ADAM12: variants seen among roughly 807,000 people sequenced by gnomAD.
The protein encoded by ADAM12 is disintegrin and metalloproteinase domain-containing protein 12.
ADAM12 carries 70 observed loss-of-function variants against 106.4 expected under a neutral mutation model. The observed-to-expected ratio is 0.66, with a 90% CI of 0.54 to 0.80. The LOEUF (loss-of-function observed/expected upper bound fraction) is 0.80. Among genes scored for constraint, ADAM12 ranks in the 30% least tolerant of loss-of-function variants. The probability of loss-of-function intolerance (pLI) is 0.00; values close to 1 mark genes in which losing one functional copy is unlikely to be tolerated. For synonymous variants in ADAM12, 420 were observed against 433.5 expected (o/e 0.97, Z 0.39); for missense variants, 1,010 against 1,171.9 (o/e 0.86, Z 2.02).
At chr10:126,021,804 C>T (rs1030671579) in intron 21 of ADAM12, among the ~76,000 whole-genome samples, 3 of 152,124 alleles carry the variant, frequency 2.0e-5, no homozygotes, top group Admixed American at 6.6e-5. Flanking sequence ...CAATATAACC[C>T]ATGAGTGTTA....
At chr10:126,279,024 C>G (rs1215161793) in intron 2 of ADAM12, 36 bp from the exon 3 acceptor site, 2 of 1,548,230 alleles carry the variant, frequency 1.3e-6, no homozygotes, top group Non-Finnish European at 1.8e-6. Context: ...TTGAAAAACG[C>G]TTGGCTTTGA....
At chr10:126,378,451 T>C (rs1306299776) in intron 1 of ADAM12, among the ~76,000 whole-genome samples, 1 of 152,214 alleles carries the variant, frequency 6.6e-6, no homozygotes, top group African/African-American at 2.4e-5. Flanking sequence ...AGCACATATA[T>C]GAATAAGTCT....
intron 3 of ADAM12, among the ~76,000 whole-genome samples, chr10:126,160,613 A>C (rs1956915474): frequency 6.6e-6 from 1 of 152,162 alleles, no homozygotes; most frequent in South Asian, 2.1e-4. Flanking sequence ...GAATGAACCC[A>C]CCATGCAGGG....
Position 126,101,129 on chromosome 10 carries a change from T to C in ADAM12, c.854A>G (p.Asp285Gly), listed in dbSNP as rs144561426. Reference sequence around the variant, plus strand: ...AGGTAGAAGCTTCATCTTCCTCCAGTCCAGAAATTCATGGAGGCTGGTGAA... The same window carrying C: ...AGGTAGAAGCTTCATCTTCCTCCAGCCCAGAAATTCATGGAGGCTGGTGAA... ...DPFTSLHEFL[D>G]WRKMKLLPRK... Residue 285 changes from aspartate to glycine, a missense_variant, in exon 9 of 23, where the codon GAC becomes GGC. By Grantham distance (94) the Asp-to-Gly change is moderately conservative. Coordinates refer to ENST00000448723, the MANE Select transcript of ADAM12 (RefSeq NM_001288973.2). The C allele has an allele frequency of 6.8e-5, 109 of 1,613,912 alleles. 2 individuals are homozygous for C. The East Asian group carries it at 7.1e-4, about 11-fold the overall frequency.
chr10:126,091,954 T>C (rs977459561), intron 11 of ADAM12, among the ~76,000 whole-genome samples: 2 of 151,906 alleles, frequency 1.3e-5, no homozygotes, highest in Non-Finnish European at 2.9e-5. Context: ...GATGGATAGA[T>C]GGTTGGATGG....
chr10:126,101,028 G>A (rs369139820), intron 9 of ADAM12, 44 bp downstream of exon 9: 4 of 1,603,320 alleles, frequency 2.5e-6, no homozygotes, highest in Non-Finnish European at 2.6e-6. Context: ...GCTTCGCCGA[G>A]AGCACTCCTT....
intron 1 of ADAM12, among the ~76,000 whole-genome samples, chr10:126,339,427 T>C (rs1854839573): frequency 6.6e-6 from 1 of 152,242 alleles, no homozygotes; most frequent in Non-Finnish European, 1.5e-5. Flanking sequence ...CGTGTCTGGA[T>C]GACTGACTTC....
At chr10:126,359,308 C>T (rs1464451031) in intron 1 of ADAM12, among the ~76,000 whole-genome samples, 1 of 152,082 alleles carries the variant, frequency 6.6e-6, no homozygotes. Context: ...CCCAACAGTC[C>T]CCCAAAGTCT....
At chr10:126,204,689 C>A (rs1008305944) in intron 3 of ADAM12, among the ~76,000 whole-genome samples, 2 of 152,182 alleles carry the variant, frequency 1.3e-5, no homozygotes, top group South Asian at 4.1e-4. Context: ...AGCATTAAAC[C>A]AACCATGGGC....
intron 2 of ADAM12, among the ~76,000 whole-genome samples, chr10:126,313,656 G>T (rs1022093498): frequency 6.6e-6 from 1 of 152,040 alleles, no homozygotes; most frequent in African/African-American, 2.4e-5. Flanking sequence ...TCCATCCGTC[G>T]ATCTGTCTGT....
chr10:126,043,058 C>A lies in ADAM12; in HGVS notation c.2086G>T (p.Gly696Cys). ...CACTGACCTGCTTGCCGGATGGGGC[C>A]GCTGTCTGTGCTTCCTCCAAAGCCA... is the stretch of plus-strand genomic sequence containing the variant. ...KFGFGGSTDS[G>C]PIRQADNQGL... The change falls in exon 18 of 23, where the codon GGC (glycine) becomes TGC (cysteine). Residue 696 changes from glycine to cysteine, a missense_variant. Around this residue, in one of 3 missense-constraint regions of ADAM12, gnomAD observed 615 missense variants for 708.5 expected, o/e 0.87. Coordinates refer to ENST00000448723, the MANE Select transcript of ADAM12 (RefSeq NM_001288973.2). This position sits in a 1 kb window ranked among gnomAD's most constrained non-coding sequence, Gnocchi z 4.1. 1 of 1,614,174 alleles carries A rather than the reference C, an allele frequency of 6.2e-7. No individual in the cohort carries two copies. The highest frequency in any genetic ancestry group is 8.5e-7 in the Non-Finnish European group (1 of 1,180,016).
intron 20 of ADAM12, among the ~76,000 whole-genome samples, chr10:126,037,009 T>A (rs1954072365): frequency 6.6e-6 from 1 of 152,192 alleles, no homozygotes; most frequent in African/African-American, 2.4e-5. Context: ...CCAAAGAGTT[T>A]TCTTGTCATG....
intron 3 of ADAM12, among the ~76,000 whole-genome samples, chr10:126,208,677 G>A (rs1274585161): frequency 6.6e-6 from 1 of 152,136 alleles, no homozygotes. Flanking sequence ...AGAAGAGAAT[G>A]GAAACTCACA....
intron 14 of ADAM12, among the ~76,000 whole-genome samples, chr10:126,059,092 A>T (rs1254347533): frequency 6.6e-6 from 1 of 152,224 alleles, no homozygotes; most frequent in Non-Finnish European, 1.5e-5. Flanking sequence ...AAAGTGATGG[A>T]TTTTAATTAC....
intron 2 of ADAM12, among the ~76,000 whole-genome samples, chr10:126,294,502 G>A (rs931485246): frequency 4.6e-5 from 7 of 152,086 alleles, no homozygotes; most frequent in Admixed American, 2.6e-4. Context: ...CGACAGTCTC[G>A]GCTGTTCAGG....
chr10:126,278,381 C>T (rs1372079414), intron 3 of ADAM12, among the ~76,000 whole-genome samples: 2 of 151,950 alleles, frequency 1.3e-5, no homozygotes, highest in Non-Finnish European at 2.9e-5. Flanking sequence ...TCCAAGCGGC[C>T]CAGAAAAAGC....
intron 14 of ADAM12, among the ~76,000 whole-genome samples, chr10:126,052,828 A>T (rs1954538911): frequency 6.6e-6 from 1 of 152,240 alleles, no homozygotes; most frequent in Non-Finnish European, 1.5e-5. Flanking sequence ...TGTGTAATCA[A>T]GTATAAAAGC....
intron 2 of ADAM12, among the ~76,000 whole-genome samples, chr10:126,311,130 CA>C (rs1748631928): frequency 1.3e-5 from 2 of 151,400 alleles, no homozygotes; most frequent in African/African-American, 4.9e-5. Flanking sequence ...CACACACACA[CA>C]CACACACCTG....
intron 2 of ADAM12, among the ~76,000 whole-genome samples, chr10:126,285,614 A>G (rs111573542): frequency 0.011 from 1,636 of 152,258 alleles, 28 homozygotes; most frequent in African/African-American, 0.038. Flanking sequence ...CTTGGAGATA[A>G]ACCCCAAGAC....
Sources: allele counts gnomAD v4.1 joint callset (sites outside exome capture counted in the v4.1 genomes callset), GRCh38; gene constraint gnomAD v4.1.1; regional missense constraint gnomAD v4.1.1; non-coding constraint Gnocchi (gnomAD v3.1); transcripts MANE v1.5; gene names NCBI Gene and HGNC (gene_info 2026-07-23, HGNC 2026-07-21).